The following ESR1 variants were observed in gnomAD, a reference collection of about 807,000 sequenced individuals.
The protein encoded by ESR1 is estrogen receptor 1.
A neutral mutation model predicts 52.7 loss-of-function variants in ESR1; 12 were observed. The ratio of observed to expected loss-of-function variants is 0.23; its 90% confidence interval spans 0.15 to 0.37. The LOEUF (loss-of-function observed/expected upper bound fraction) is 0.37. Among genes scored for constraint, ESR1 ranks in the 10% least tolerant of loss-of-function variants. The pLI is 1.00. For synonymous variants in ESR1, 305 were observed against 316.8 expected (o/e 0.96, Z 0.39); for missense variants, 584 against 779.7 (o/e 0.75, Z 2.99).
chr6:151,752,895 G>T (rs1784002579), intron 2 of ESR1, among the ~76,000 whole-genome samples: 1 of 152,018 alleles, frequency 6.6e-6, no homozygotes, highest in African/African-American at 2.4e-5. Context: ...AAGACCAATA[G>T]GCTAATAATT....
At chr6:151,949,196 T>C (rs977852631) in intron 4 of ESR1, among the ~76,000 whole-genome samples, 3 of 152,202 alleles carry the variant, frequency 2.0e-5, no homozygotes, top group African/African-American at 7.2e-5. Context: ...TATGGAGCCA[T>C]GCGCTCTGAG....
chr6:151,938,431 A>T (rs1254240115), intron 3 of ESR1, among the ~76,000 whole-genome samples: 1 of 152,214 alleles, frequency 6.6e-6, no homozygotes, highest in Non-Finnish European at 1.5e-5. Flanking sequence ...AGTCTTTGAA[A>T]ATGCCTCATT....
At chr6:151,750,424 A>G (rs977684027) in intron 2 of ESR1, among the ~76,000 whole-genome samples, 15 of 152,098 alleles carry the variant, frequency 9.9e-5, no homozygotes, top group Non-Finnish European at 2.1e-4. Context: ...GGCAAGGGGG[A>G]AAAGTGGCAT....
intron 3 of ESR1, among the ~76,000 whole-genome samples, chr6:151,902,723 G>A (rs1796875789): frequency 6.6e-6 from 1 of 152,142 alleles, no homozygotes; most frequent in Non-Finnish European, 1.5e-5. Flanking sequence ...TGTATAAGGA[G>A]GCATGTAAAG....
chr6:151,820,780 A>G (rs961410873), intron 1 of ESR1, among the ~76,000 whole-genome samples: 1 of 152,184 alleles, frequency 6.6e-6, no homozygotes, highest in Admixed American at 6.5e-5. Flanking sequence ...TCCTTGCTAA[A>G]AGCATGTTTA....
chr6:151,959,974 A>G (rs189625938), intron 4 of ESR1, among the ~76,000 whole-genome samples: 113 of 152,350 alleles, frequency 7.4e-4, no homozygotes, highest in Middle Eastern at 3.4e-3. Flanking sequence ...CATGGAGCCA[A>G]TAGAATGTAA....
intron 1 of ESR1, among the ~76,000 whole-genome samples, chr6:151,829,680 G>A (rs542648008): frequency 2.3e-4 from 35 of 152,294 alleles, no homozygotes; most frequent in African/African-American, 8.2e-4. Context: ...ATTGTTGGTC[G>A]GAGGCAAGGG....
chr6:151,715,968 G>C (rs575076205), intron 2 of ESR1, among the ~76,000 whole-genome samples: 1 of 152,252 alleles, frequency 6.6e-6, no homozygotes, highest in East Asian at 1.9e-4. Context: ...TCATCTTCAT[G>C]GATTTATCTA....
chr6:152,045,400 C>T (rs2046146762), intron 5 of ESR1, among the ~76,000 whole-genome samples: 1 of 152,164 alleles, frequency 6.6e-6, no homozygotes, highest in Non-Finnish European at 1.5e-5. Context: ...TGGTACTCCA[C>T]ACTGTGTTCA....
upstream of ESR1, among the ~76,000 whole-genome samples, chr6:151,688,521 C>T (rs1456101697): frequency 6.6e-6 from 1 of 152,068 alleles, no homozygotes; most frequent in Admixed American, 6.6e-5. Flanking sequence ...TAGTATCTGA[C>T]ATCTAGTACA....
intron 5 of ESR1, among the ~76,000 whole-genome samples, chr6:152,051,101 C>T (rs1357945603): frequency 6.6e-6 from 1 of 152,192 alleles, no homozygotes; most frequent in Non-Finnish European, 1.5e-5. Flanking sequence ...CCACTTCTCC[C>T]ACCCCTTATT....
At chr6:152,085,907 T>A (rs989433682) in intron 6 of ESR1, among the ~76,000 whole-genome samples, 10 of 152,178 alleles carry the variant, frequency 6.6e-5, no homozygotes, top group Non-Finnish European at 1.3e-4. Context: ...GTGGTCATCC[T>A]TGGAAAACAC....
chr6:151,766,332 G>T (rs1371695207), intron 2 of ESR1, among the ~76,000 whole-genome samples: 1 of 152,038 alleles, frequency 6.6e-6, no homozygotes, highest in East Asian at 1.9e-4. Flanking sequence ...ATAAATGATG[G>T]TTTGGTGTTT....
intron 4 of ESR1, among the ~76,000 whole-genome samples, chr6:151,996,938 G>A (rs1475554980): frequency 6.6e-6 from 1 of 152,070 alleles, no homozygotes; most frequent in African/African-American, 2.4e-5. Context: ...GGACAAAGGA[G>A]ATTTGAGTGA....
chr6:151,982,900 C>A, intron 4 of ESR1, among the ~76,000 whole-genome samples: 1 of 152,000 alleles, frequency 6.6e-6, no homozygotes, highest in East Asian at 1.9e-4. Context: ...TAAATGTCAT[C>A]GGAGATATTC....
In ESR1 at chr6:152,103,005, T is replaced by G; in HGVS notation, c.*4039T>G. 4.5e-6 allele frequency: 1 copy of G among 222,064 alleles called. No individual in the cohort carries two copies. Among genetic ancestry groups the G allele is most frequent in the Non-Finnish European group, 9.0e-6 (1 of 110,746 alleles). The allele number at this position is 222,064 out of a possible 1,614,324, so 13.8% of individuals were successfully genotyped here. ...CTGTTCTCTCACAGGTGATAAACAA[T>G]GCTTTTTGTGCACTACATACTCTTC... On this transcript the variant is annotated 3_prime_UTR_variant, in exon 8 of 8. Coordinates refer to ENST00000206249, the MANE Select transcript of ESR1 (RefSeq NM_000125.4).
intron 2 of ESR1, among the ~76,000 whole-genome samples, chr6:151,868,015 T>C (rs1790254925): frequency 6.6e-6 from 1 of 151,452 alleles, no homozygotes; most frequent in Non-Finnish European, 1.5e-5. Context: ...CAAAGGTATA[T>C]TGAGTGATGC....
chr6:151,993,362 T>C (rs1389230464), intron 4 of ESR1, among the ~76,000 whole-genome samples: 1 of 152,142 alleles, frequency 6.6e-6, no homozygotes, highest in African/African-American at 2.4e-5. Context: ...CTAGATGTAT[T>C]GATCTATTTA....
At chr6:152,118,632 A>C in intron 6 of ESR1, among the ~76,000 whole-genome samples, 1 of 150,532 alleles carries the variant, frequency 6.6e-6, no homozygotes, top group African/African-American at 2.4e-5. Flanking sequence ...GGGCAAGGGG[A>C]GGGAGAGCAT....
Sources: allele counts gnomAD v4.1 joint callset (sites outside exome capture counted in the v4.1 genomes callset), GRCh38; gene constraint gnomAD v4.1.1; transcripts MANE v1.5; gene names NCBI Gene and HGNC (gene_info 2026-07-23, HGNC 2026-07-21).